The following ALK variants were observed in gnomAD, a reference collection of about 807,000 sequenced individuals.
The protein encoded by ALK is ALK tyrosine kinase receptor.
ALK carries 74 observed loss-of-function variants against 163.1 expected under a neutral mutation model. The observed-to-expected ratio is 0.45, with a 90% CI of 0.38 to 0.55. The LOEUF is 0.55. ALK is among the 20% of genes least tolerant of loss of function. ALK has a pLI of 0.00. For synonymous variants in ALK, 960 were observed against 843.2 expected (o/e 1.14, Z -2.40); for missense variants, 2,063 against 2,105.3 (o/e 0.98, Z 0.39).
chr2:29,661,422 T>C (rs1272297365), intron 3 of ALK, among the ~76,000 whole-genome samples: 1 of 152,216 alleles, frequency 6.6e-6, no homozygotes, highest in Non-Finnish European at 1.5e-5. Context: ...ATCTGGCTCA[T>C]TGCATTTTCA....
chr2:29,873,109 T>C (rs2148413458), intron 1 of ALK, among the ~76,000 whole-genome samples: 1 of 152,332 alleles, frequency 6.6e-6, no homozygotes, highest in South Asian at 2.1e-4. Flanking sequence ...GCACTGGTGG[T>C]ATCCACCCTG....
chr2:29,340,400 T>C (rs567477670), intron 5 of ALK, among the ~76,000 whole-genome samples: 4 of 152,310 alleles, frequency 2.6e-5, no homozygotes, highest in South Asian at 2.1e-4. Context: ...CAGGAGCACC[T>C]GATCATGGGT....
At chr2:29,667,656 A>G (rs1240763943) in intron 3 of ALK, among the ~76,000 whole-genome samples, 1 of 152,096 alleles carries the variant, frequency 6.6e-6, no homozygotes, top group Non-Finnish European at 1.5e-5. Flanking sequence ...GTCATGGTGA[A>G]TAATATTTTT....
intron 4 of ALK, among the ~76,000 whole-genome samples, chr2:29,508,478 T>C (rs1036767164): frequency 2.6e-5 from 4 of 151,702 alleles, no homozygotes; most frequent in African/African-American, 9.7e-5. Context: ...TTCTCACTCA[T>C]AGGTGGGAAT....
At chr2:29,861,695 C>T (rs1666295874) in intron 1 of ALK, among the ~76,000 whole-genome samples, 1 of 152,054 alleles carries the variant, frequency 6.6e-6, no homozygotes, top group Non-Finnish European at 1.5e-5. Context: ...TGAATTCTAC[C>T]AAGCATTTAA....
chr2:29,439,382 A>T (rs1371188753), intron 4 of ALK, among the ~76,000 whole-genome samples: 1 of 152,316 alleles, frequency 6.6e-6, no homozygotes, highest in Admixed American at 6.5e-5. Flanking sequence ...ATAATTCAAT[A>T]ATTAATAAAA....
chr2:29,780,098 A>T (rs1183849937), intron 1 of ALK, among the ~76,000 whole-genome samples: 1 of 152,236 alleles, frequency 6.6e-6, no homozygotes, highest in African/African-American at 2.4e-5. Context: ...GCTCTCAAAA[A>T]CGCAGACTGA....
intron 23 of ALK, among the ~76,000 whole-genome samples, chr2:29,217,963 G>A (rs1272145221): frequency 6.6e-6 from 1 of 152,162 alleles, no homozygotes; most frequent in Non-Finnish European, 1.5e-5. Context: ...AGTCCTGTCT[G>A]TCTGCTGGAA....
At chr2:29,230,803 G>A (rs1432065555) in intron 15 of ALK, among the ~76,000 whole-genome samples, 1 of 152,188 alleles carries the variant, frequency 6.6e-6, no homozygotes, top group East Asian at 1.9e-4. Context: ...GTGGCAGAGA[G>A]AAGGCCCCTT....
At chr2:29,318,723 C>T (rs1197265891) in intron 7 of ALK, among the ~76,000 whole-genome samples, 1 of 152,036 alleles carries the variant, frequency 6.6e-6, no homozygotes, top group Non-Finnish European at 1.5e-5. Flanking sequence ...CCTGCCACCA[C>T]GCCCGGCTAA....
At chr2:29,737,905 C>A (rs1043154543) in intron 1 of ALK, among the ~76,000 whole-genome samples, 3 of 152,024 alleles carry the variant, frequency 2.0e-5, no homozygotes, top group Non-Finnish European at 4.4e-5. Flanking sequence ...GAAGAATAGT[C>A]AGGCCATCAT....
chr2:29,230,807 G>C, intron 15 of ALK, among the ~76,000 whole-genome samples: 1 of 152,160 alleles, frequency 6.6e-6, no homozygotes, highest in East Asian at 1.9e-4. Context: ...CAGAGAGAAG[G>C]CCCCTTAGGC....
intron 3 of ALK, among the ~76,000 whole-genome samples, chr2:29,585,120 T>C (rs1055199231): frequency 7.9e-5 from 12 of 152,314 alleles, no homozygotes; most frequent in African/African-American, 2.9e-4. Context: ...CTTTCTTAAT[T>C]ATTTTAAATT....
intron 11 of ALK, 115 bp from the exon 12 acceptor site, chr2:29,251,382 A>G (rs771815719): frequency 2.7e-6 from 3 of 1,101,316 alleles, no homozygotes; most frequent in Non-Finnish European, 4.0e-6. Flanking sequence ...TCCATCCAAG[A>G]TGGCACCAAG....
chr2:29,312,613 A>C (rs1215827266), intron 8 of ALK, among the ~76,000 whole-genome samples: 2 of 152,156 alleles, frequency 1.3e-5, no homozygotes, highest in Non-Finnish European at 2.9e-5. Context: ...TCAGCATTAC[A>C]CTGTGGGAGC....
intron 1 of ALK, among the ~76,000 whole-genome samples, chr2:29,819,721 T>C (rs1445221430): frequency 6.6e-6 from 1 of 152,258 alleles, no homozygotes; most frequent in Non-Finnish European, 1.5e-5. Context: ...TTGTTTGTTT[T>C]TGTTCTTATT....
chr2:29,559,939 T>C (rs1369009565), intron 3 of ALK, among the ~76,000 whole-genome samples: 2 of 152,204 alleles, frequency 1.3e-5, no homozygotes, highest in Admixed American at 6.5e-5. Flanking sequence ...CTAGTCTTAA[T>C]ATGAATGTAT....
intron 5 of ALK, among the ~76,000 whole-genome samples, chr2:29,382,074 G>A (rs1668911366): frequency 6.6e-6 from 1 of 152,174 alleles, no homozygotes; most frequent in Non-Finnish European, 1.5e-5. Context: ...TCTGTTCTTG[G>A]AGCTAGAGCC....
chr2:29,359,098 G>T (rs1318178612), intron 5 of ALK, among the ~76,000 whole-genome samples: 1 of 84,564 alleles, frequency 1.2e-5, no homozygotes, highest in African/African-American at 4.0e-5. Flanking sequence ...TCTTGCTATG[G>T]TAATTAAAAA....
Sources: allele counts gnomAD v4.1 joint callset (sites outside exome capture counted in the v4.1 genomes callset), GRCh38; gene constraint gnomAD v4.1.1; transcripts MANE v1.5; gene names NCBI Gene and HGNC (gene_info 2026-07-23, HGNC 2026-07-21).